The following RARB variants were observed in gnomAD, a reference collection of about 807,000 sequenced individuals.
RARB encodes the protein HBV-activated protein.
Under a neutral mutation model 51.9 loss-of-function variants are expected in RARB, and 17 were observed. The ratio of observed to expected loss-of-function variants is 0.33; its 90% CI spans 0.22 to 0.49. RARB has a LOEUF of 0.49. RARB is among the 20% of genes least tolerant of loss of function. The pLI is 0.99. For missense variants in RARB, 369 were observed against 550.8 expected (o/e 0.67, Z 3.30); for synonymous variants, 215 against 195.4 (o/e 1.10, Z -0.84).
rs140373450 is a variant in RARB at position 25,455,283 on chromosome 3, G to A, written c.158-5910G>A. Among the ~76,000 whole-genome samples the A allele has an allele frequency of 5.3e-5, 8 of 152,246 alleles. No individual in the cohort carries two copies. In the East Asian group the frequency reaches 1.4e-3, roughly 26 times the overall value. On this transcript the variant is annotated intron_variant, in intron 1 of 7. Transcript: ENST00000330688. ...GTTTTTCCTTAACTCCTATTTCCTG[G>A]AGATTCATTTGTATTGAATTTGATC...
At chr3:24,916,613 T>C (rs1047706256) in intron 2 of RARB, among the ~76,000 whole-genome samples, 1 of 152,180 alleles carries the variant, frequency 6.6e-6, no homozygotes, top group African/African-American at 2.4e-5. Flanking sequence ...CCAGAAAGCA[T>C]ATTGATGATA....
At chr3:24,861,141 T>C (rs900752412) in intron 2 of RARB, among the ~76,000 whole-genome samples, 1 of 152,224 alleles carries the variant, frequency 6.6e-6, no homozygotes, top group Non-Finnish European at 1.5e-5. Flanking sequence ...GAAGTATCTG[T>C]ACTGAATGTA....
chr3:25,057,509 A>C (rs1380093933), intron 2 of RARB, among the ~76,000 whole-genome samples: 1 of 152,064 alleles, frequency 6.6e-6, no homozygotes, highest in Non-Finnish European at 1.5e-5. Context: ...CAATTAATCT[A>C]TGTTGGCTTG....
At chr3:25,161,057 G>A (rs1362785628) in intron 4 of RARB, among the ~76,000 whole-genome samples, 1 of 152,024 alleles carries the variant, frequency 6.6e-6, no homozygotes, top group African/African-American at 2.4e-5. Flanking sequence ...CCGTCGCCCA[G>A]GCTAGAGTGC....
At chr3:24,833,543 A>G (rs1281506289) in intron 1 of RARB, among the ~76,000 whole-genome samples, 2 of 152,210 alleles carry the variant, frequency 1.3e-5, no homozygotes, top group Non-Finnish European at 2.9e-5. Context: ...TCAATTGCCC[A>G]CTTAACGTCT....
chr3:25,067,380 A>G (rs1698683669), intron 3 of RARB, among the ~76,000 whole-genome samples: 1 of 152,214 alleles, frequency 6.6e-6, no homozygotes, highest in Non-Finnish European at 1.5e-5. Context: ...AGAGCATGAG[A>G]AAAGTTCAAG....
At chr3:24,944,838 A>G (rs532655373) in intron 2 of RARB, among the ~76,000 whole-genome samples, 1 of 152,358 alleles carries the variant, frequency 6.6e-6, no homozygotes, top group Non-Finnish European at 1.5e-5. Flanking sequence ...CTTCAATGAT[A>G]GAACATTATT....
At chr3:25,489,324 T>A (rs1696614815) in intron 2 of RARB, among the ~76,000 whole-genome samples, 1 of 152,248 alleles carries the variant, frequency 6.6e-6, no homozygotes, top group African/African-American at 2.4e-5. Flanking sequence ...TAATTTGGAA[T>A]AAATCAGTAA....
chr3:25,508,221 G>T (rs1697707694), intron 3 of RARB, among the ~76,000 whole-genome samples: 1 of 152,000 alleles, frequency 6.6e-6, no homozygotes, highest in South Asian at 2.1e-4. Flanking sequence ...TCTCATTTGG[G>T]GCATATTGAG....
chr3:25,053,654 T>C (rs1438613295), intron 2 of RARB, among the ~76,000 whole-genome samples: 1 of 152,150 alleles, frequency 6.6e-6, no homozygotes, highest in African/African-American at 2.4e-5. Flanking sequence ...CTCAGGCCAA[T>C]AAATATAGCC....
chr3:24,992,146 T>C (rs193179651), intron 2 of RARB, among the ~76,000 whole-genome samples: 1 of 152,324 alleles, frequency 6.6e-6, no homozygotes, highest in East Asian at 1.9e-4. Context: ...CCTACTTTGC[T>C]CTGTCACATC....
intron 2 of RARB, among the ~76,000 whole-genome samples, chr3:24,906,916 G>A (rs1694880071): frequency 6.6e-6 from 1 of 151,274 alleles, no homozygotes; most frequent in Admixed American, 6.6e-5. Context: ...GAAACCTGGA[G>A]GATATAATAT....
chr3:25,197,206 G>A (rs1018777722), intron 5 of RARB, among the ~76,000 whole-genome samples: 8 of 151,890 alleles, frequency 5.3e-5, no homozygotes, highest in South Asian at 2.1e-4. Flanking sequence ...AAGGTCTAAC[G>A]TTTAAGTCTT....
chr3:25,537,976 TCTTTA>T (rs1699212504), intron 3 of RARB, among the ~76,000 whole-genome samples: 1 of 152,202 alleles, frequency 6.6e-6, no homozygotes, highest in African/African-American at 2.4e-5. Context: ...AACTGCTGCC[TCTTTA>T]CTTTATAGAA....
At chr3:25,427,364 T>A (rs572961933), upstream of RARB, among the ~76,000 whole-genome samples, 1 of 152,344 alleles carries the variant, frequency 6.6e-6, no homozygotes, top group African/African-American at 2.4e-5. Flanking sequence ...GGTAGTATTA[T>A]ATGCCCATTT....
At chr3:25,236,421 C>A (rs1411552080) in intron 5 of RARB, among the ~76,000 whole-genome samples, 1 of 152,112 alleles carries the variant, frequency 6.6e-6, no homozygotes, top group African/African-American at 2.4e-5. Flanking sequence ...ATTCACTCTG[C>A]TGACCTTCTA....
At chr3:25,044,525 T>C (rs1698175852) in intron 2 of RARB, among the ~76,000 whole-genome samples, 1 of 152,222 alleles carries the variant, frequency 6.6e-6, no homozygotes. Flanking sequence ...TCAGACCTTG[T>C]CGTAGTAATC....
At chr3:25,246,211 C>T (rs968311632) in intron 5 of RARB, among the ~76,000 whole-genome samples, 49 of 152,026 alleles carry the variant, frequency 3.2e-4, no homozygotes, top group African/African-American at 1.2e-3. Flanking sequence ...TTCCAGTTAG[C>T]AGTACTTCTA....
At chr3:25,341,287 C>G (rs2125450849) in intron 5 of RARB, among the ~76,000 whole-genome samples, 1 of 152,234 alleles carries the variant, frequency 6.6e-6, no homozygotes, top group East Asian at 1.9e-4. Context: ...AGTCTGGAAA[C>G]ATAGGTGAAT....
Sources: allele counts gnomAD v4.1 joint callset (sites outside exome capture counted in the v4.1 genomes callset), GRCh38; gene constraint gnomAD v4.1.1; transcripts MANE v1.5; gene names NCBI Gene and HGNC (gene_info 2026-07-23, HGNC 2026-07-21).